Variants in SUPT3H observed in about 807,000 individuals in gnomAD.
SUPT3H encodes the protein SPT3 homolog, SAGA and STAGA complex component.
SUPT3H carries 44 observed loss-of-function variants against 44.3 expected under a neutral mutation model. The observed-to-expected ratio is 0.99, with a 90% CI of 0.78 to 1.28. The LOEUF (loss-of-function observed/expected upper bound fraction) is 1.28. Among genes scored for constraint, SUPT3H ranks in the 50% most tolerant of loss-of-function variants. The pLI is 0.00. For missense variants in SUPT3H, 380 were observed against 387.1 expected, an observed-to-expected ratio of 0.98 and a Z score of 0.15; for synonymous variants, 124 against 125.6, an observed-to-expected ratio of 0.99 and a Z score of 0.09.
chr6:45,076,733 G>A (rs1447661658), intron 3 of SUPT3H, among the ~76,000 whole-genome samples: 1 of 152,132 alleles, frequency 6.6e-6, no homozygotes, highest in Non-Finnish European at 1.5e-5. Context: ...AGCCTACTGA[G>A]TAACACTAAT....
intron 6 of SUPT3H, 52 bp downstream of exon 6, chr6:45,003,600 TA>T (rs892181750): frequency 8.2e-6 from 13 of 1,585,942 alleles, no homozygotes; most frequent in African/African-American, 1.4e-5. Flanking sequence ...CCAAACAGCA[TA>T]GGCACTGCAA....
intron 2 of SUPT3H, among the ~76,000 whole-genome samples, chr6:45,141,672 C>G (rs1805238270): frequency 1.3e-5 from 2 of 151,808 alleles, no homozygotes; most frequent in African/African-American, 4.8e-5. Flanking sequence ...ATTTTAAGTG[C>G]AGACAGCCTC....
chr6:44,812,793 G>A (rs1766624356), intron 11 of SUPT3H, among the ~76,000 whole-genome samples: 1 of 152,204 alleles, frequency 6.6e-6, no homozygotes, highest in African/African-American at 2.4e-5. Flanking sequence ...CACTGGGCTG[G>A]GGAAGCAGAG....
intron 3 of SUPT3H, among the ~76,000 whole-genome samples, chr6:45,033,412 G>C (rs1205591877): frequency 6.6e-6 from 1 of 151,966 alleles, no homozygotes; most frequent in Non-Finnish European, 1.5e-5. Context: ...CCAGTCATGG[G>C]GCTGAGAAAG....
At chr6:44,861,768 A>G (rs536707476) in intron 10 of SUPT3H, among the ~76,000 whole-genome samples, 13 of 152,298 alleles carry the variant, frequency 8.5e-5, no homozygotes, top group African/African-American at 2.9e-4. Context: ...GAAGTTTCCC[A>G]GAGTTGTCCT....
intron 2 of SUPT3H, among the ~76,000 whole-genome samples, chr6:45,290,171 C>A (rs1280929815): frequency 1.3e-5 from 2 of 151,908 alleles, no homozygotes; most frequent in East Asian, 3.9e-4. Flanking sequence ...CAGAGTGAGA[C>A]CCCGTCTCAA....
chr6:45,355,986 A>G (rs902011215), intron 2 of SUPT3H, among the ~76,000 whole-genome samples: 1 of 152,214 alleles, frequency 6.6e-6, no homozygotes, highest in Non-Finnish European at 1.5e-5. Flanking sequence ...AAAGGCTAAT[A>G]GAACTCTACT....
At position 44,887,809 on chromosome 6, in the gene SUPT3H, A is replaced by C. The variant is rs1251096899; in HGVS notation, c.912+44844T>G. On this transcript the variant is annotated intron_variant, in intron 10 of 10. Transcript: ENST00000371459. ...GAAATAGAGACACAAAAAACCCTTC[A>C]AAAAATTAATGAATCCAGGAGCTGG... is the stretch of plus-strand genomic sequence containing the variant. Among the ~76,000 whole-genome samples the C allele has an allele frequency of 4.6e-5, 7 of 151,898 alleles. No individual in the cohort carries two copies. In the East Asian group the frequency reaches 1.4e-3, roughly 30 times the overall value.
At chr6:44,956,154 C>A (rs951275081) in intron 7 of SUPT3H, among the ~76,000 whole-genome samples, 2 of 149,780 alleles carry the variant, frequency 1.3e-5, no homozygotes, top group Non-Finnish European at 3.0e-5. Flanking sequence ...TAAACACCAC[C>A]GGTTCCCCAA....
chr6:44,889,558 C>A (rs1052599039), intron 10 of SUPT3H, among the ~76,000 whole-genome samples: 2 of 152,120 alleles, frequency 1.3e-5, no homozygotes, highest in African/African-American at 4.8e-5. Flanking sequence ...TGGCTAGCCA[C>A]ATGTAGAAAG....
At chr6:45,114,299 C>T (rs1800521454) in intron 2 of SUPT3H, among the ~76,000 whole-genome samples, 1 of 151,760 alleles carries the variant, frequency 6.6e-6, no homozygotes, top group Admixed American at 6.6e-5. Flanking sequence ...AGTTTACATT[C>T]CGATGAGGAA....
At chr6:45,065,517 A>G (rs1003129610) in intron 3 of SUPT3H, among the ~76,000 whole-genome samples, 42 of 151,896 alleles carry the variant, frequency 2.8e-4, no homozygotes, top group Non-Finnish European at 1.2e-4. Context: ...CAATGAATCC[A>G]GGAGCTGGTT....
intron 10 of SUPT3H, among the ~76,000 whole-genome samples, chr6:44,869,239 C>T (rs1239981731): frequency 1.3e-5 from 2 of 151,684 alleles, no homozygotes; most frequent in African/African-American, 4.8e-5. Flanking sequence ...CTTGGAAAGA[C>T]AAATAGCATA....
intron 2 of SUPT3H, among the ~76,000 whole-genome samples, chr6:45,282,698 A>C (rs1778382430): frequency 1.3e-5 from 2 of 152,232 alleles, no homozygotes; most frequent in African/African-American, 2.4e-5. Flanking sequence ...CAATCTAGCA[A>C]GGCAGGCCAA....
chr6:45,140,360 T>C (rs1804985928), intron 2 of SUPT3H, among the ~76,000 whole-genome samples: 1 of 152,070 alleles, frequency 6.6e-6, no homozygotes. Flanking sequence ...CCAGAATACT[T>C]AGCATATTTA....
At chr6:44,886,196 G>A (rs969336718) in intron 10 of SUPT3H, among the ~76,000 whole-genome samples, 6 of 152,168 alleles carry the variant, frequency 3.9e-5, no homozygotes, top group African/African-American at 7.2e-5. Context: ...ACACTCTGCA[G>A]GATATTATCC....
chr6:45,360,526 CTA>C (rs992765642), intron 2 of SUPT3H, among the ~76,000 whole-genome samples: 71 of 152,268 alleles, frequency 4.7e-4, no homozygotes, highest in African/African-American at 1.7e-3. Context: ...AATTCAGAGA[CTA>C]TACATATCAG....
chr6:44,937,217 C>A (rs969268258), intron 9 of SUPT3H, among the ~76,000 whole-genome samples: 4 of 151,878 alleles, frequency 2.6e-5, no homozygotes, highest in African/African-American at 9.7e-5. Flanking sequence ...ACTGGCCAGG[C>A]GCAGTGGCTC....
chr6:45,341,412 A>T (rs892865973), intron 2 of SUPT3H, among the ~76,000 whole-genome samples: 4 of 152,192 alleles, frequency 2.6e-5, no homozygotes, highest in African/African-American at 9.6e-5. Flanking sequence ...ACCTATATTT[A>T]ACTTGATAGG....
Sources: gnomAD v4.1 joint callset for allele counts (sites outside exome capture counted in the v4.1 genomes callset) on GRCh38, gnomAD v4.1.1 for gene constraint, MANE v1.5 for transcripts, NCBI Gene and HGNC (gene_info 2026-07-23, HGNC 2026-07-21) for gene names.